ROBO1: variants seen among roughly 807,000 people sequenced by gnomAD.
ROBO1 encodes the protein roundabout guidance receptor 1, also known as roundabout homolog 1.
Under a neutral mutation model 195.9 loss-of-function variants are expected in ROBO1, and 149 were observed. The observed-to-expected ratio is 0.76, with a 90% CI of 0.67 to 0.87. The LOEUF (loss-of-function observed/expected upper bound fraction) is 0.87, where lower values mean the gene tolerates loss of function less well. ROBO1 is among the 40% of genes least tolerant of loss of function. The pLI is 0.00. For synonymous variants in ROBO1, 816 were observed against 733.2 expected (o/e 1.11, Z -1.82); for missense variants, 1,933 against 2,068.3 (o/e 0.93, Z 1.27).
chr3:79,709,879 C>G (rs368212986), intron 1 of ROBO1, among the ~76,000 whole-genome samples: 1 of 152,160 alleles, frequency 6.6e-6, no homozygotes, highest in East Asian at 1.9e-4. Context: ...GAGGATACAG[C>G]AAGAATGCAT....
chr3:79,347,386 C>T (rs2035163514), intron 2 of ROBO1, among the ~76,000 whole-genome samples: 1 of 152,276 alleles, frequency 6.6e-6, no homozygotes, highest in East Asian at 1.9e-4. Context: ...GTTTGTTGGA[C>T]TGAAAATATT....
chr3:79,354,630 C>T (rs2035472852), intron 2 of ROBO1, among the ~76,000 whole-genome samples: 1 of 152,166 alleles, frequency 6.6e-6, no homozygotes, highest in South Asian at 2.1e-4. Context: ...CTCAGCACCA[C>T]TGGCCAACCT....
At chr3:79,384,869 A>G (rs979048359) in intron 2 of ROBO1, among the ~76,000 whole-genome samples, 1 of 152,092 alleles carries the variant, frequency 6.6e-6, no homozygotes, top group African/African-American at 2.4e-5. Flanking sequence ...AGAAAAGAAT[A>G]CATAAATCTC....
At chr3:78,670,361 C>G (rs1707998559) in intron 10 of ROBO1, 60 bp from the exon 11 acceptor site, 10 of 1,384,320 alleles carry the variant, frequency 7.2e-6, no homozygotes, top group African/African-American at 1.4e-5. Context: ...TCTAATCATC[C>G]AAGCAACAGC....
intron 2 of ROBO1, among the ~76,000 whole-genome samples, chr3:79,377,435 T>C (rs879438787): frequency 1.3e-5 from 2 of 152,210 alleles, no homozygotes; most frequent in Non-Finnish European, 1.5e-5. Context: ...TCTACAATTA[T>C]TTGAATATGA....
At chr3:79,495,889 T>C (rs1373606589) in intron 2 of ROBO1, among the ~76,000 whole-genome samples, 3 of 152,060 alleles carry the variant, frequency 2.0e-5, no homozygotes, top group Non-Finnish European at 2.9e-5. Context: ...TAATAGCACT[T>C]ATTGCGTAGG....
At chr3:79,018,502 G>A (rs1452092078) in intron 3 of ROBO1, 4 of 1,612,442 alleles carry the variant, frequency 2.5e-6, no homozygotes, top group Admixed American at 3.3e-5. Context: ...ATGCCAAGAG[G>A]AGGGAGTGGA....
intron 2 of ROBO1, among the ~76,000 whole-genome samples, chr3:79,499,971 T>G (rs1342543513): frequency 2.0e-5 from 3 of 151,224 alleles, no homozygotes; most frequent in Non-Finnish European, 2.9e-5. Context: ...TATGCCCGGG[T>G]AATTTTTGTA....
At chr3:79,211,626 G>C (rs2081966984) in intron 2 of ROBO1, among the ~76,000 whole-genome samples, 2 of 152,294 alleles carry the variant, frequency 1.3e-5, no homozygotes, top group South Asian at 4.1e-4. Flanking sequence ...GGAATGCCTG[G>C]GGGATGGACG....
chr3:79,395,464 G>A (rs1376025966), intron 2 of ROBO1, among the ~76,000 whole-genome samples: 1 of 151,820 alleles, frequency 6.6e-6, no homozygotes, highest in Non-Finnish European at 1.5e-5. Flanking sequence ...CATCTAATGA[G>A]AGTGCCAATG....
chr3:79,081,532 C>T (rs941973129), intron 3 of ROBO1, among the ~76,000 whole-genome samples: 22 of 152,060 alleles, frequency 1.4e-4, no homozygotes, highest in Admixed American at 1.3e-4. Flanking sequence ...CCACATTTGC[C>T]CTGGGGATTC....
At chr3:79,113,126 TTC>T in intron 3 of ROBO1, among the ~76,000 whole-genome samples, 1 of 152,120 alleles carries the variant, frequency 6.6e-6, no homozygotes, top group East Asian at 1.9e-4. Context: ...TGCTTTGATT[TTC>T]TCTCTGAGCT....
rs75226589 is a variant in ROBO1, at chr3:79,016,617, A to T, written c.173-77690T>A. 4.1e-4 allele frequency among the ~76,000 whole-genome samples: 63 copies of T among 152,306 alleles called. No homozygotes were observed. The East Asian group carries it at 0.012, about 29-fold the overall frequency. ...ACAGAACTTCCAAGTTGACACGACC[A>T]ACTTTCAGTGATACCTTATTAATGT... On this transcript the variant is annotated intron_variant, in intron 3 of 30. Coordinates refer to ENST00000464233, the MANE Select transcript of ROBO1 (RefSeq NM_002941.4).
chr3:79,653,202 GTTTAATTATA>G (rs1263873987), intron 1 of ROBO1, among the ~76,000 whole-genome samples: 1 of 151,528 alleles, frequency 6.6e-6, no homozygotes, highest in Admixed American at 6.6e-5. Context: ...ACACATCGAT[GTTTAATTATA>G]TTTCATTATA....
chr3:78,699,806 C>A (rs2107928424), intron 8 of ROBO1, among the ~76,000 whole-genome samples: 1 of 151,998 alleles, frequency 6.6e-6, no homozygotes, highest in South Asian at 2.1e-4. Context: ...CACCACACAC[C>A]ATGTTGCCTC....
intron 3 of ROBO1, among the ~76,000 whole-genome samples, chr3:79,015,816 G>A (rs957463680): frequency 2.6e-5 from 4 of 152,180 alleles, no homozygotes; most frequent in African/African-American, 9.7e-5. Flanking sequence ...TTAGTACTAA[G>A]CATGCCATCA....
chr3:78,858,896 G>A (rs1445729731), intron 4 of ROBO1, among the ~76,000 whole-genome samples: 1 of 152,148 alleles, frequency 6.6e-6, no homozygotes, highest in Non-Finnish European at 1.5e-5. Flanking sequence ...TAGATGTCAG[G>A]TGTTCTAGGA....
chr3:79,083,882 T>C (rs2079319850), intron 3 of ROBO1, among the ~76,000 whole-genome samples: 1 of 152,198 alleles, frequency 6.6e-6, no homozygotes, highest in Admixed American at 6.5e-5. Context: ...ATTATGGTTC[T>C]GAACCAAACT....
intron 3 of ROBO1, among the ~76,000 whole-genome samples, chr3:79,098,881 C>G (rs2079620554): frequency 6.6e-6 from 1 of 151,656 alleles, no homozygotes; most frequent in Non-Finnish European, 1.5e-5. Context: ...AACAAAAGGT[C>G]TGGTCTTACA....
Sources: gnomAD v4.1 joint callset for allele counts (sites outside exome capture counted in the v4.1 genomes callset) on GRCh38, gnomAD v4.1.1 for gene constraint, MANE v1.5 for transcripts, NCBI Gene and HGNC (gene_info 2026-07-23, HGNC 2026-07-21) for gene names.